Variants in IQCE observed in about 807,000 individuals in gnomAD.
IQCE encodes IQ domain-containing protein E.
In IQCE, 115 loss-of-function variants were observed where a neutral mutation model predicts 96.0. The ratio of observed to expected loss-of-function variants is 1.20; its 90% CI spans 1.03 to 1.40. The LOEUF is 1.40. IQCE is among the 40% of genes most tolerant of loss of function. IQCE has a pLI of 0.00. For missense variants in IQCE, 1,041 were observed against 909.1 expected, an observed-to-expected ratio of 1.15 and a Z score of -1.87; for synonymous variants, 412 against 371.2, an observed-to-expected ratio of 1.11 and a Z score of -1.26.
At chr7:2,563,352 A>T (rs1236779622) in intron 1 of IQCE, among the ~76,000 whole-genome samples, 1 of 148,682 alleles carries the variant, frequency 6.7e-6, no homozygotes, top group Non-Finnish European at 1.5e-5. Context: ...ATGTGCCATG[A>T]TGCCCAGCTA....
At chr7:2,598,215 C>CAG in intron 16 of IQCE, 1 of 377,370 alleles carries the variant, frequency 2.6e-6, no homozygotes, top group Non-Finnish European at 4.7e-6. Flanking sequence ...CACTGCCAGA[C>CAG]AGAGTTAAGG....
At chr7:2,605,807 G>A in intron 19 of IQCE, 69 bp from the exon 20 acceptor site, 1 of 1,410,934 alleles carries the variant, frequency 7.1e-7, no homozygotes, top group Non-Finnish European at 9.3e-7. Flanking sequence ...GGGTGCCCTG[G>A]GGGTTGAGTG....
intron 13 of IQCE, 137 bp downstream of exon 13, chr7:2,588,014 G>C (rs1034793149): frequency 9.8e-6 from 8 of 814,690 alleles, no homozygotes; most frequent in Non-Finnish European, 1.2e-5. Context: ...AGACCGCAAG[G>C]AGACTTCTTC....
intron 12 of IQCE, 94 bp downstream of exon 12, chr7:2,586,465 C>T: frequency 3.0e-6 from 4 of 1,346,476 alleles, no homozygotes; most frequent in South Asian, 1.4e-5. Context: ...AGGACAGGCA[C>T]CACGAGGGCA....
At chr7:2,578,174 C>A in intron 6 of IQCE, 68 bp from the exon 7 acceptor site, 1 of 1,215,098 alleles carries the variant, frequency 8.2e-7, no homozygotes, top group Non-Finnish European at 1.2e-6. Context: ...GCTGTGTGCG[C>A]GGGGACGTGT....
intron 9 of IQCE, among the ~76,000 whole-genome samples, chr7:2,583,185 G>A (rs181499652): frequency 3.0e-4 from 46 of 152,174 alleles, no homozygotes; most frequent in African/African-American, 1.0e-3. Flanking sequence ...TTTCTCTATC[G>A]ATGTGTCTAT....
intron 21 of IQCE, 179 bp downstream of exon 21, chr7:2,607,406 G>A (rs546049342): frequency 1.2e-5 from 17 of 1,366,452 alleles, no homozygotes; most frequent in East Asian, 6.0e-5. Flanking sequence ...ACAGGGCCCC[G>A]CCTTGGCCCA....
intron 15 of IQCE, 64 bp from the exon 16 acceptor site, chr7:2,594,822 C>A: frequency 8.3e-7 from 1 of 1,208,454 alleles, no homozygotes; most frequent in Non-Finnish European, 1.2e-6. Context: ...CCCACCCTGC[C>A]CTGTGCCGGC....
Position 2,582,648 on chromosome 7 carries a change from C to G in IQCE, c.699C>G (p.Ile233Met). Reference protein sequence around the residue: ...EQQCKEKDGTISKLQTDMKTT... With the variant: ...EQQCKEKDGTMSKLQTDMKTT... The stretch of plus-strand genomic sequence containing the variant: ...AGTGCAAGGAGAAGGACGGCACCAT[C>G]AGGTGGGCGCAGGGCTGCACCCTCT... The change falls in exon 9 of 22, where the codon ATC (isoleucine) becomes ATG (methionine). Residue 233 changes from isoleucine (I) to methionine (M), a missense_variant and splice_region_variant. By Grantham distance (10) the Ile-to-Met change is conservative. Transcript: ENST00000402050. The G allele has an allele frequency of 6.2e-7, 1 of 1,613,328 alleles. No homozygotes were observed. Among genetic ancestry groups the G allele is most frequent in the East Asian group, 2.2e-5 (1 of 44,864 alleles).
Position 2,578,323 on chromosome 7 carries a change from C to A in IQCE, c.547C>A (p.Arg183=), listed in dbSNP as rs371182758. 2.5e-6 allele frequency: 4 copies of A among 1,613,970 alleles called. No homozygotes were observed. The highest frequency in any genetic ancestry group is 3.3e-5 in the Admixed American group (2 of 60,016). The change falls in exon 7 of 22, where the codon CGG becomes AGG. Residue 183 remains arginine, a synonymous_variant. Transcript: ENST00000402050. ...RLEEENSRKD[R]QIEQLLDPSR... ...GGAGGAGGAAAACAGCAGGAAGGAC[C>A]GGCAGATAGAGCAGCTCCTGGATCC... is the stretch of plus-strand genomic sequence containing the variant.
In IQCE at chr7:2,582,542, A is replaced by G. The variant is rs779657599; in HGVS notation, c.631-38A>G. On this transcript the variant is annotated intron_variant, in intron 8 of 21. Transcript: ENST00000402050. ...GACAGCCGCTTCTACTGAGGGAGAG[A>G]GGGCGTGGCCTGCCTGATGGGCACG... 2.5e-6 allele frequency: 4 copies of G among 1,586,708 alleles called. No homozygotes were observed. The East Asian group carries it at 9.0e-5, about 36-fold the overall frequency.
In IQCE at chr7:2,598,551, G is replaced by T. The variant is rs1784220659; in HGVS notation, c.1527G>T (p.Arg509=). 1 of 1,610,802 alleles carries T rather than the reference G, an allele frequency of 6.2e-7. No individual in the cohort carries two copies. ...ATTCCAGCGAGGAGGGGCTCCCGCG[G>T]CCCCGCTCCCCCTGCTCTGATGGGA... is the stretch of plus-strand genomic sequence containing the variant. ...PPDSSEEGLP[R]PRSPCSDGRR... Residue 509 remains arginine (R), a synonymous_variant, in exon 17 of 22, where the codon CGG becomes CGT. Transcript: ENST00000402050.
intron 11 of IQCE, among the ~76,000 whole-genome samples, chr7:2,585,671 C>A (rs553597664): frequency 1.1e-4 from 17 of 152,374 alleles, no homozygotes; most frequent in Middle Eastern, 3.4e-3. Flanking sequence ...CTGAGCACCA[C>A]CTGGGTCAGC....
intron 1 of IQCE, among the ~76,000 whole-genome samples, chr7:2,563,833 G>T (rs946336800): frequency 1.4e-5 from 2 of 145,410 alleles, no homozygotes; most frequent in East Asian, 4.1e-4. Context: ...GGCGGAGCTT[G>T]CAGTGAGCCG....
chr7:2,601,547 G>T, intron 18 of IQCE, 83 bp downstream of exon 18: 1 of 995,926 alleles, frequency 1.0e-6, no homozygotes, highest in South Asian at 1.3e-5. Flanking sequence ...AAGATGTGTT[G>T]ATTCCTTTTC....
chr7:2,568,543 A>G, intron 2 of IQCE, among the ~76,000 whole-genome samples: 1 of 151,864 alleles, frequency 6.6e-6, no homozygotes, highest in East Asian at 1.9e-4. Context: ...GCTTTCTTCC[A>G]TAGTGGGCTT....
chr7:2,591,011 G>A (rs778315374), intron 14 of IQCE, among the ~76,000 whole-genome samples: 2 of 152,068 alleles, frequency 1.3e-5, no homozygotes, highest in Non-Finnish European at 2.9e-5. Context: ...CCAGCACTTT[G>A]GGAGGCCAAG....
At chr7:2,588,383 C>G (rs1416663068) in intron 13 of IQCE, among the ~76,000 whole-genome samples, 1 of 149,910 alleles carries the variant, frequency 6.7e-6, no homozygotes, top group East Asian at 1.9e-4. Context: ...GAGATGGAGT[C>G]TCACTCTGTC....
At chr7:2,604,426 A>C (rs1237802070) in intron 18 of IQCE, among the ~76,000 whole-genome samples, 1 of 152,206 alleles carries the variant, frequency 6.6e-6, no homozygotes, top group Non-Finnish European at 1.5e-5. Flanking sequence ...GCCTAAGAAA[A>C]TCATTTCAGG....
Sources: allele counts gnomAD v4.1 joint callset (sites outside exome capture counted in the v4.1 genomes callset), GRCh38; gene constraint gnomAD v4.1.1; transcripts MANE v1.5; gene names NCBI Gene and HGNC (gene_info 2026-07-23, HGNC 2026-07-21).